SLC25A26: variants seen among roughly 807,000 people sequenced by gnomAD.
SLC25A26 encodes the protein solute carrier family 25 member 26.
SLC25A26 carries 36 observed loss-of-function variants against 37.8 expected under a neutral mutation model. The observed-to-expected ratio is 0.95, with a 90% CI of 0.73 to 1.26. The LOEUF is 1.26. Among genes scored for constraint, SLC25A26 ranks in the 50% most tolerant of loss-of-function variants. The probability of loss-of-function intolerance (pLI) is 0.00; values close to 1 mark genes in which losing one functional copy is unlikely to be tolerated. For synonymous variants in SLC25A26, 129 were observed against 122.5 expected, an observed-to-expected ratio of 1.05 and a Z score of -0.35; for missense variants, 390 against 331.1, an observed-to-expected ratio of 1.18 and a Z score of -1.38.
intron 1 of SLC25A26, among the ~76,000 whole-genome samples, chr3:66,211,664 GA>G (rs1275954694): frequency 6.6e-6 from 1 of 152,130 alleles, no homozygotes; most frequent in African/African-American, 2.4e-5. Flanking sequence ...ATTAAAAATA[GA>G]AAAAAAGTAA....
chr3:66,181,134 TTC>T (rs2070698149), intron 1 of SLC25A26, among the ~76,000 whole-genome samples: 1 of 152,220 alleles, frequency 6.6e-6, no homozygotes, highest in African/African-American at 2.4e-5. Context: ...GTCTGTGGTA[TTC>T]TGTTTGGCAG....
At chr3:66,343,647 C>G in intron 5 of SLC25A26, among the ~76,000 whole-genome samples, 1 of 152,166 alleles carries the variant, frequency 6.6e-6, no homozygotes, top group Non-Finnish European at 1.5e-5. Flanking sequence ...ACATTCAGTG[C>G]AATTTGTAGG....
intron 5 of SLC25A26, among the ~76,000 whole-genome samples, chr3:66,306,965 A>C (rs2075243409): frequency 6.7e-6 from 1 of 149,770 alleles, no homozygotes; most frequent in African/African-American, 2.4e-5. Flanking sequence ...TGCAGTAAAC[A>C]TATGTGTGTG....
chr3:66,298,556 T>G (rs370486254), intron 5 of SLC25A26, among the ~76,000 whole-genome samples: 55 of 152,342 alleles, frequency 3.6e-4, no homozygotes, highest in African/African-American at 1.3e-3. Context: ...AGAATTAATT[T>G]GCTTGTGAAG....
intron 1 of SLC25A26, among the ~76,000 whole-genome samples, chr3:66,171,046 G>A (rs896808253): frequency 5.9e-5 from 9 of 151,442 alleles, no homozygotes; most frequent in Admixed American, 1.3e-4. Context: ...CTCGTGATCC[G>A]CCCGCCTCGG....
intron 5 of SLC25A26, among the ~76,000 whole-genome samples, chr3:66,322,115 C>T (rs527593957): frequency 6.6e-6 from 1 of 152,172 alleles, no homozygotes; most frequent in South Asian, 2.1e-4. Flanking sequence ...AGCAAATTTG[C>T]TTTAAAATGC....
chr3:66,358,806 G>GA (rs2076633886), intron 6 of SLC25A26, among the ~76,000 whole-genome samples: 1 of 152,168 alleles, frequency 6.6e-6, no homozygotes, highest in Non-Finnish European at 1.5e-5. Flanking sequence ...AAAATGACAA[G>GA]ATAATAAAAA....
chr3:66,238,841 G>T (rs957493875), intron 2 of SLC25A26, among the ~76,000 whole-genome samples: 1 of 152,154 alleles, frequency 6.6e-6, no homozygotes, highest in African/African-American at 2.4e-5. Context: ...GTCTCGGGTG[G>T]CAGAGGCAGA....
Position 66,372,008 on chromosome 3 carries a change from G to A in SLC25A26, c.707+1406G>A, listed in dbSNP as rs543729141. 3.9e-5 allele frequency among the ~76,000 whole-genome samples: 6 copies of A among 152,252 alleles called. No homozygotes were observed. In the East Asian group the frequency reaches 5.8e-4, roughly 15 times the overall value. On this transcript the variant is annotated intron_variant, in intron 9 of 9. Transcript: ENST00000354883. ...CAGCTACTCAGGAGGCTGAGCAATC[G>A]CTTGAGCCCGGGAAGTCGAGGTTAT...
At chr3:66,246,570 A>G (rs1345657880) in intron 3 of SLC25A26, among the ~76,000 whole-genome samples, 5 of 152,216 alleles carry the variant, frequency 3.3e-5, no homozygotes, top group Non-Finnish European at 7.3e-5. Flanking sequence ...AACATTTGAT[A>G]TGTGGACTGT....
At chr3:66,351,066 C>T (rs1450120716) in intron 6 of SLC25A26, among the ~76,000 whole-genome samples, 2 of 152,076 alleles carry the variant, frequency 1.3e-5, no homozygotes, top group African/African-American at 2.4e-5. Flanking sequence ...GCTGTCATTG[C>T]AGCTCTGGTG....
intron 8 of SLC25A26, among the ~76,000 whole-genome samples, chr3:66,369,802 T>G (rs1238684285): frequency 6.6e-6 from 1 of 152,168 alleles, no homozygotes; most frequent in African/African-American, 2.4e-5. Context: ...ATAAACTCTG[T>G]TTTTACTGGT....
chr3:66,277,758 C>T (rs1237498374), intron 5 of SLC25A26, among the ~76,000 whole-genome samples: 1 of 152,068 alleles, frequency 6.6e-6, no homozygotes, highest in Non-Finnish European at 1.5e-5. Flanking sequence ...TCAAGATTAG[C>T]ATCACCAGTA....
chr3:66,308,057 T>C (rs1472399381), intron 5 of SLC25A26, among the ~76,000 whole-genome samples: 1 of 152,206 alleles, frequency 6.6e-6, no homozygotes, highest in Non-Finnish European at 1.5e-5. Flanking sequence ...GGTAGCTTGA[T>C]GGGGGTAGCA....
intron 1 of SLC25A26, among the ~76,000 whole-genome samples, chr3:66,209,900 A>ATT (rs1268070709): frequency 5.8e-4 from 7 of 11,998 alleles, no homozygotes; most frequent in Non-Finnish European, 9.0e-4. Flanking sequence ...CTCTCTATTT[A>ATT]TATATATATA....
At chr3:66,155,442 G>T (rs1042397565) in intron 1 of SLC25A26, among the ~76,000 whole-genome samples, 1 of 152,310 alleles carries the variant, frequency 6.6e-6, no homozygotes, top group South Asian at 2.1e-4. Flanking sequence ...GAGCCCAGGA[G>T]GTTGAGGCTA....
intron 1 of SLC25A26, among the ~76,000 whole-genome samples, chr3:66,214,349 A>G (rs2071330337): frequency 6.6e-6 from 1 of 152,208 alleles, no homozygotes; most frequent in Non-Finnish European, 1.5e-5. Context: ...CAGCCTGCAG[A>G]ACCGTGAGCC....
chr3:66,335,815 C>T (rs1451685500), intron 5 of SLC25A26, among the ~76,000 whole-genome samples: 1 of 152,136 alleles, frequency 6.6e-6, no homozygotes, highest in Non-Finnish European at 1.5e-5. Context: ...TACTACTAAG[C>T]CTCCTGGTTG....
intron 5 of SLC25A26, among the ~76,000 whole-genome samples, chr3:66,275,619 G>C (rs1025167035): frequency 6.6e-6 from 1 of 152,034 alleles, no homozygotes; most frequent in African/African-American, 2.4e-5. Flanking sequence ...AAGATCTCCA[G>C]ATACATTTAG....
Sources: allele counts gnomAD v4.1 joint callset (sites outside exome capture counted in the v4.1 genomes callset), GRCh38; gene constraint gnomAD v4.1.1; transcripts MANE v1.5; gene names NCBI Gene and HGNC (gene_info 2026-07-23, HGNC 2026-07-21).